The following TMEM232 variants were observed in gnomAD, a reference collection of about 807,000 sequenced individuals.
TMEM232 encodes transmembrane protein 232.
TMEM232 carries 80 observed loss-of-function variants against 78.8 expected under a neutral mutation model. The ratio of observed to expected loss-of-function variants is 1.01; its 90% confidence interval spans 0.85 to 1.22. The LOEUF (loss-of-function observed/expected upper bound fraction) is 1.22. TMEM232 is among the 50% of genes most tolerant of loss of function. The pLI, the probability that TMEM232 is intolerant of heterozygous loss-of-function variation, is 0.00. For missense variants in TMEM232, 881 were observed against 742.2 expected (o/e 1.19, Z -2.17); for synonymous variants, 297 against 254.3 (o/e 1.17, Z -1.60).
Position 110,404,536 on chromosome 5 carries a change from T to C in TMEM232, n.309-6682A>G, listed in dbSNP as rs375966842. Among the ~76,000 whole-genome samples, 10 of 152,126 alleles carry C rather than the reference T, an allele frequency of 6.6e-5. 1 individual carries two copies. In the East Asian group the frequency reaches 7.7e-4, roughly 12 times the overall value. On this transcript the variant is annotated intron_variant and non_coding_transcript_variant, in intron 2 of 8. Transcript: ENST00000507188. Reference sequence around the variant, plus strand: ...ATGTGAGCCCTAAAGATTAGGCAAATTGGGGGAACTTTTATGGAAAAGAAT... The same window carrying C: ...ATGTGAGCCCTAAAGATTAGGCAAACTGGGGGAACTTTTATGGAAAAGAAT...
At chr5:110,563,560 T>C (rs951081038) in intron 11 of TMEM232, among the ~76,000 whole-genome samples, 5 of 151,914 alleles carry the variant, frequency 3.3e-5, no homozygotes, top group African/African-American at 1.2e-4. Context: ...GAGGTGACTA[T>C]ACGCCATTTT....
intron 5 of TMEM232, among the ~76,000 whole-genome samples, chr5:110,633,367 T>A (rs889409903): frequency 6.6e-6 from 1 of 152,022 alleles, no homozygotes; most frequent in African/African-American, 2.4e-5. Flanking sequence ...AACAGAAAAT[T>A]AGCAAACCAC....
chr5:110,597,130 C>T (rs1780269096), intron 10 of TMEM232, among the ~76,000 whole-genome samples: 2 of 152,058 alleles, frequency 1.3e-5, no homozygotes, highest in Non-Finnish European at 1.5e-5. Context: ...TGTCTCAGCC[C>T]AAAATCTCCT....
intron 1 of TMEM232, among the ~76,000 whole-genome samples, chr5:110,702,743 C>T (rs868526514): frequency 3.3e-5 from 5 of 152,110 alleles, no homozygotes; most frequent in South Asian, 2.1e-4. Context: ...TGGGAAATAA[C>T]GGGCAGGCTA....
chr5:110,600,281 A>C (rs1332268959), intron 10 of TMEM232, among the ~76,000 whole-genome samples: 5 of 152,202 alleles, frequency 3.3e-5, no homozygotes, highest in Admixed American at 6.6e-5. Context: ...ATAAATTCAA[A>C]AGCGAGCAGA....
At chr5:110,722,333 T>C (rs938900342) in intron 1 of TMEM232, among the ~76,000 whole-genome samples, 9 of 152,270 alleles carry the variant, frequency 5.9e-5, no homozygotes, top group African/African-American at 2.2e-4. Flanking sequence ...TGGGTATAAC[T>C]GGCTCATGGT....
At chr5:110,412,302 C>T (rs73782469) in intron 2 of TMEM232, among the ~76,000 whole-genome samples, 5,433 of 152,268 alleles carry the variant, frequency 0.036, 137 homozygotes, top group African/African-American at 0.069. Flanking sequence ...ACAATCCTAT[C>T]CCTTGAAAAT....
chr5:110,609,603 G>A (rs1482926500), intron 8 of TMEM232, among the ~76,000 whole-genome samples: 1 of 151,920 alleles, frequency 6.6e-6, no homozygotes, highest in Non-Finnish European at 1.5e-5. Flanking sequence ...TGGGATGGGA[G>A]AAGGTGGGAA....
intron 2 of TMEM232, among the ~76,000 whole-genome samples, chr5:110,408,005 T>A (rs1302906530): frequency 6.6e-6 from 1 of 151,970 alleles, no homozygotes. Context: ...TAATTACGAA[T>A]GAAATTTAAA....
chr5:110,461,918 C>G (rs796643425), intron 12 of TMEM232, among the ~76,000 whole-genome samples: 1 of 152,020 alleles, frequency 6.6e-6, no homozygotes, highest in Admixed American at 6.6e-5. Context: ...ATGTTATTGC[C>G]CATTGACAAT....
intron 12 of TMEM232, among the ~76,000 whole-genome samples, chr5:110,525,158 G>A (rs1456370632): frequency 8.8e-5 from 13 of 147,306 alleles, no homozygotes; most frequent in East Asian, 5.9e-4. Context: ...AGATTTCTTC[G>A]TAACAATAAG....
At chr5:110,515,054 CA>C (rs1249146353) in intron 12 of TMEM232, among the ~76,000 whole-genome samples, 3 of 152,192 alleles carry the variant, frequency 2.0e-5, no homozygotes, top group Admixed American at 2.0e-4. Context: ...ACACAAGAGT[CA>C]GAATGCCTTT....
At chr5:110,517,891 T>A (rs982283354) in intron 12 of TMEM232, among the ~76,000 whole-genome samples, 2 of 152,210 alleles carry the variant, frequency 1.3e-5, no homozygotes, top group Admixed American at 1.3e-4. Context: ...CCTACAGGAC[T>A]TTTTGGGTCT....
chr5:110,733,815 A>G (rs898035845), intron 2 of TMEM232, among the ~76,000 whole-genome samples: 1 of 152,224 alleles, frequency 6.6e-6, no homozygotes, highest in Non-Finnish European at 1.5e-5. Flanking sequence ...AAACCTGCAC[A>G]TGTACCCTTG....
At chr5:110,590,422 G>C (rs1779358710) in intron 10 of TMEM232, among the ~76,000 whole-genome samples, 1 of 152,146 alleles carries the variant, frequency 6.6e-6, no homozygotes, top group Non-Finnish European at 1.5e-5. Context: ...TGTCAGATCA[G>C]TGGTATTACA....
intron 1 of TMEM232, among the ~76,000 whole-genome samples, chr5:110,721,669 G>GTA (rs749643657): frequency 8.4e-5 from 2 of 23,802 alleles, no homozygotes; most frequent in Non-Finnish European, 2.7e-4. Flanking sequence ...GTGTGTGTGT[G>GTA]TGTGTATATA....
At chr5:110,719,209 G>A (rs1000874597) in intron 1 of TMEM232, among the ~76,000 whole-genome samples, 4 of 151,506 alleles carry the variant, frequency 2.6e-5, no homozygotes, top group African/African-American at 7.3e-5. Flanking sequence ...ATATATATGT[G>A]TATATATGTA....
At chr5:110,589,167 C>T (rs1427217553) in intron 10 of TMEM232, among the ~76,000 whole-genome samples, 6 of 151,992 alleles carry the variant, frequency 3.9e-5, no homozygotes, top group South Asian at 2.1e-4. Flanking sequence ...TGGATGCATA[C>T]GGGTCTGTAA....
intron 8 of TMEM232, among the ~76,000 whole-genome samples, chr5:110,618,160 CTT>C (rs796979325): frequency 1.3e-5 from 2 of 151,538 alleles, no homozygotes; most frequent in Non-Finnish European, 2.9e-5. Context: ...CAGGCATAAA[CTT>C]TTTGTTAATA....
Sources: gnomAD v4.1 joint callset for allele counts (sites outside exome capture counted in the v4.1 genomes callset) on GRCh38, gnomAD v4.1.1 for gene constraint, MANE v1.5 for transcripts, NCBI Gene and HGNC (gene_info 2026-07-23, HGNC 2026-07-21) for gene names.